Variants in SPAG17 observed in about 807,000 individuals in gnomAD.
SPAG17 encodes the protein sperm associated antigen 17.
Under a neutral mutation model 273.6 loss-of-function variants are expected in SPAG17, and 169 were observed. The observed-to-expected ratio is 0.62, with a 90% CI of 0.55 to 0.70. The LOEUF (loss-of-function observed/expected upper bound fraction) is 0.70. SPAG17 is among the 30% of genes least tolerant of loss of function. SPAG17 has a pLI of 0.00. For missense variants in SPAG17, 2,557 were observed against 2,627.8 expected (o/e 0.97, Z 0.59); for synonymous variants, 825 against 873.2 (o/e 0.94, Z 0.97).
chr1:118,138,896 A>G (rs1658508686), intron 3 of SPAG17, among the ~76,000 whole-genome samples: 1 of 152,176 alleles, frequency 6.6e-6, no homozygotes. Context: ...TTTCTTCCTG[A>G]TATCTCTTCT....
Position 117,996,723 on chromosome 1 carries a change from T to C in SPAG17, c.4797A>G (p.Ile1599Met), listed in dbSNP as rs973413325. Reference protein sequence around the residue: ...NTFQVMADGSISTILPEKKLE... With the variant: ...NTFQVMADGSMSTILPEKKLE... ...ATTTTTTTTCAGGTAATATAGTTGA[T>C]ATGCTACCATCAGCCATGACCTAAG... The change falls in exon 33 of 49, where the codon ATA (isoleucine) becomes ATG (methionine). Residue 1599 changes from isoleucine (I) to methionine (M), a missense_variant. Ile to Met is a conservative substitution (Grantham distance 10). Transcript: ENST00000336338. The C allele has an allele frequency of 1.9e-6, 3 of 1,610,736 alleles. No individual in the cohort carries two copies. Among genetic ancestry groups the C allele is most frequent in the South Asian group, 1.1e-5 (1 of 90,228 alleles).
Position 118,005,462 on chromosome 1 carries a change from A to G in SPAG17, c.4728T>C (p.Thr1576=), listed in dbSNP as rs1658781116. ...CCAGAACCTCACAGATAACCTCTGAAGTATGCCTCATGATGTACCTGCCAG... is the reference window on the plus strand; with the variant it reads ...CCAGAACCTCACAGATAACCTCTGAGGTATGCCTCATGATGTACCTGCCAG... The part of the protein sequence containing the change: ...LRAGRYIMRH[T]SEVICEVLDP... The change falls in exon 32 of 49, where the codon ACT becomes ACC. Residue 1576 remains threonine (T), a synonymous_variant. Coordinates refer to ENST00000336338, the MANE Select transcript of SPAG17 (RefSeq NM_206996.4). 6.2e-7 allele frequency: 1 copy of G among 1,613,522 alleles called. No individual in the cohort carries two copies. Among genetic ancestry groups the G allele is most frequent in the Admixed American group, 1.7e-5 (1 of 59,970 alleles).
chr1:118,101,284 G>A (rs976103494), intron 5 of SPAG17, among the ~76,000 whole-genome samples: 4 of 152,050 alleles, frequency 2.6e-5, no homozygotes, highest in East Asian at 1.9e-4. Context: ...AGTTGGGCAT[G>A]GTCATGTTCC....
At chr1:118,087,087 A>G in intron 10 of SPAG17, 79 bp from the exon 11 acceptor site, 1 of 1,461,450 alleles carries the variant, frequency 6.8e-7, no homozygotes. Flanking sequence ...CTGCATTCCC[A>G]CTGCTTAGTA....
intron 43 of SPAG17, among the ~76,000 whole-genome samples, chr1:117,975,391 T>A (rs1655025288): frequency 6.6e-6 from 1 of 152,228 alleles, no homozygotes; most frequent in Non-Finnish European, 1.5e-5. Context: ...ATTTGAGTTT[T>A]AGTTCTCATG....
chr1:118,162,102 A>C (rs1659959685), intron 1 of SPAG17, among the ~76,000 whole-genome samples: 1 of 152,196 alleles, frequency 6.6e-6, no homozygotes, highest in African/African-American at 2.4e-5. Flanking sequence ...TCCCCAGTCA[A>C]TGATTAGAAT....
chr1:117,984,617 T>G (rs1413284017), intron 41 of SPAG17, 66 bp downstream of exon 41: 2 of 994,548 alleles, frequency 2.0e-6, no homozygotes, highest in East Asian at 5.3e-5. Flanking sequence ...GATTACATAA[T>G]AACATATGCA....
intron 43 of SPAG17, among the ~76,000 whole-genome samples, chr1:117,975,605 C>T (rs961270442): frequency 6.6e-6 from 1 of 152,066 alleles, no homozygotes; most frequent in Non-Finnish European, 1.5e-5. Flanking sequence ...TCCGGGTGTC[C>T]CAAGCCCATT....
chr1:118,058,975 A>G (rs527249069), intron 18 of SPAG17, among the ~76,000 whole-genome samples: 56 of 152,226 alleles, frequency 3.7e-4, no homozygotes, highest in Non-Finnish European at 7.1e-4. Context: ...AGATAAATCC[A>G]TAATCATAAA....
intron 1 of SPAG17, among the ~76,000 whole-genome samples, chr1:118,183,849 G>A (rs1014745096): frequency 3.3e-5 from 5 of 152,122 alleles, no homozygotes; most frequent in Non-Finnish European, 7.4e-5. Context: ...TTTGGCTAGC[G>A]CTGACTTATA....
intron 48 of SPAG17, chr1:117,957,010 G>T: frequency 7.1e-7 from 1 of 1,410,876 alleles, no homozygotes; most frequent in South Asian, 1.5e-5. Flanking sequence ...TTTAAAAATT[G>T]ACCATGTTAA....
At chr1:118,014,339 G>T (rs1659759132) in intron 29 of SPAG17, among the ~76,000 whole-genome samples, 1 of 152,100 alleles carries the variant, frequency 6.6e-6, no homozygotes. Context: ...TTGGATGCTG[G>T]TTCATGCTTC....
intron 29 of SPAG17, among the ~76,000 whole-genome samples, chr1:118,012,799 C>T (rs1395988811): frequency 6.6e-6 from 1 of 152,196 alleles, no homozygotes; most frequent in Non-Finnish European, 1.5e-5. Context: ...ATGGGGTGAA[C>T]TGCAAGATGG....
chr1:118,074,099 G>A, intron 16 of SPAG17, 132 bp from the exon 17 acceptor site: 1 of 622,222 alleles, frequency 1.6e-6, no homozygotes. Flanking sequence ...AATCCATATG[G>A]CAACATTTTA....
chr1:118,041,538 T>C (rs1213844799), intron 21 of SPAG17, among the ~76,000 whole-genome samples: 1 of 152,108 alleles, frequency 6.6e-6, no homozygotes, highest in Non-Finnish European at 1.5e-5. Flanking sequence ...AATGCTTTTG[T>C]GTCAAATTTC....
At chr1:118,059,997 T>C (rs989919227) in intron 18 of SPAG17, among the ~76,000 whole-genome samples, 1 of 152,194 alleles carries the variant, frequency 6.6e-6, no homozygotes, top group Non-Finnish European at 1.5e-5. Context: ...ATATAGCATA[T>C]TACATTTATT....
chr1:118,056,136 T>C (rs1651647831), intron 18 of SPAG17, among the ~76,000 whole-genome samples: 1 of 152,048 alleles, frequency 6.6e-6, no homozygotes, highest in Admixed American at 6.6e-5. Context: ...AAAAATGAGA[T>C]CTTTCATCTG....
At chr1:118,065,952 C>T (rs895139223) in intron 18 of SPAG17, among the ~76,000 whole-genome samples, 19 of 151,950 alleles carry the variant, frequency 1.3e-4, no homozygotes, top group Admixed American at 1.0e-3. Context: ...GGATAAAATG[C>T]GTAATTATTG....
intron 20 of SPAG17, among the ~76,000 whole-genome samples, chr1:118,051,256 G>A (rs895812669): frequency 2.6e-5 from 4 of 152,038 alleles, no homozygotes; most frequent in African/African-American, 9.7e-5. Flanking sequence ...TGTTGGGGAG[G>A]ATGTGGAGAA....
Sources: gnomAD v4.1 joint callset for allele counts (sites outside exome capture counted in the v4.1 genomes callset) on GRCh38, gnomAD v4.1.1 for gene constraint, MANE v1.5 for transcripts, NCBI Gene and HGNC (gene_info 2026-07-23, HGNC 2026-07-21) for gene names.